SRMS: variants seen among roughly 807,000 people sequenced by gnomAD.
SRMS encodes the protein tyrosine-protein kinase Srms.
Under a neutral mutation model 43.5 loss-of-function variants are expected in SRMS, and 42 were observed. The ratio of observed to expected loss-of-function variants is 0.97; its 90% CI spans 0.75 to 1.25. The LOEUF (loss-of-function observed/expected upper bound fraction) is 1.25, where lower values mean the gene tolerates loss of function less well. SRMS is among the 50% of genes most tolerant of loss of function. SRMS has a pLI of 0.00. For synonymous variants in SRMS, 316 were observed against 308.2 expected, an observed-to-expected ratio of 1.03 and a Z score of -0.27; for missense variants, 703 against 681.0, an observed-to-expected ratio of 1.03 and a Z score of -0.36.
chr20:63,542,493 C>T lies in SRMS; in HGVS notation c.734G>A (p.Trp245Ter). Residue 245 changes from tryptophan (W) to a stop codon, truncating the protein, a stop_gained, in exon 4 of 8, where the codon TGG (tryptophan) becomes TAG (stop). Transcript: ENST00000217188. LOFTEE classifies it high-confidence loss of function. Reference protein sequence around the residue: ...KLGEGYFGEVWEGLWLGSLPV... With the variant: ...KLGEGYFGEV ...CAGGGAGCCCAGCCACAGGCCTTCC[C>T]ACACCTCCCCAAAGTAGCCTTCACC... 6.2e-7 allele frequency: 1 copy of T among 1,612,688 alleles called. No individual in the cohort carries two copies. The highest frequency in any genetic ancestry group is 1.7e-4 in the Middle Eastern group (1 of 6,060).
At chr20:63,541,723 T>G in intron 5 of SRMS, 103 bp from the exon 6 acceptor site, 46 of 1,334,786 alleles carry the variant, frequency 3.4e-5, no homozygotes, top group Non-Finnish European at 4.3e-5. Flanking sequence ...TCCTCATCTC[T>G]AAGACGTGGC....
rs574687899 is a variant in SRMS, at chr20:63,540,510, G to A, written c.*308C>T. 6.6e-6 allele frequency among the ~76,000 whole-genome samples: 1 copy of A among 152,226 alleles called. No homozygotes were observed. The highest frequency in any genetic ancestry group is 2.1e-4 in the South Asian group (1 of 4,810). On this transcript the variant is annotated 3_prime_UTR_variant, in exon 8 of 8. Transcript: ENST00000217188. Reference sequence around the variant, plus strand: ...CACTGCACGGGGAACGTCAGCCCCAGCCCTCCGTCTGCACGAGTCACACTG... The same window carrying A: ...CACTGCACGGGGAACGTCAGCCCCAACCCTCCGTCTGCACGAGTCACACTG...
At position 63,539,828 on chromosome 20, in the gene SRMS, C is replaced by G. The variant is rs1464525230; in HGVS notation, c.*990G>C. Among the ~76,000 whole-genome samples, 2 of 152,194 alleles carry G rather than the reference C, an allele frequency of 1.3e-5. No homozygotes were observed. Among genetic ancestry groups the G allele is most frequent in the African/African-American group, 4.8e-5 (2 of 41,450 alleles). On this transcript the variant is annotated 3_prime_UTR_variant, in exon 8 of 8. Coordinates refer to ENST00000217188, the MANE Select transcript of SRMS (RefSeq NM_080823.4). ...CCTGACCCTGCACAGGCAGAAGACT[C>G]CAAATCCCCCACGGCCCACCCTGAG...
In SRMS at chr20:63,540,791, GC is replaced by G. The variant is rs766739099; in HGVS notation, c.*26del. 6.4e-7 allele frequency: 1 copy of G among 1,569,572 alleles called. No homozygotes were observed. Among genetic ancestry groups the G allele is most frequent in the Non-Finnish European group, 8.6e-7 (1 of 1,158,080 alleles). ...GGGAGGAGGGGCTGGCCTGGCTGGA[GC>G]CCAGAGCGTTGGGTCACGTGAGGAC... On this transcript the variant is annotated 3_prime_UTR_variant, in exon 8 of 8. Coordinates refer to ENST00000217188, the MANE Select transcript of SRMS (RefSeq NM_080823.4).
chr20:63,543,912 T>A (rs187660127), intron 2 of SRMS, among the ~76,000 whole-genome samples: 87 of 152,266 alleles, frequency 5.7e-4, no homozygotes, highest in African/African-American at 2.0e-3. Flanking sequence ...GATGAATGGA[T>A]GAATGAATGA....
chr20:63,546,614 C>A (rs897233904), intron 1 of SRMS, among the ~76,000 whole-genome samples: 6 of 151,200 alleles, frequency 4.0e-5, no homozygotes, highest in Non-Finnish European at 8.8e-5. Flanking sequence ...CTGCCCTCAC[C>A]CAGAGTTCCT....
Position 63,547,545 on chromosome 20 carries a change from G to A in SRMS, c.-82C>T, listed in dbSNP as rs975467751. On this transcript the variant is annotated 5_prime_UTR_variant, in exon 1 of 8. Coordinates refer to ENST00000217188, the MANE Select transcript of SRMS (RefSeq NM_080823.4). ...GGAACTGGCAGGGCCGGTGGGACCCGGTGTCCAGCGCTCCCTGCCCTGGCC... is the reference window on the plus strand; with the variant it reads ...GGAACTGGCAGGGCCGGTGGGACCCAGTGTCCAGCGCTCCCTGCCCTGGCC... 127 of 1,309,840 alleles carry A rather than the reference G, an allele frequency of 9.7e-5. 1 individual carries two copies. The East Asian group carries it at 2.3e-3, about 24-fold the overall frequency. 81.1% of individuals were successfully genotyped at this position (1,309,840 alleles called of 1,614,324 possible).
rs1375875971 is a variant in SRMS, at chr20:63,546,613, C to G, written c.356+495G>C. Among the ~76,000 whole-genome samples the G allele has an allele frequency of 2.0e-5, 3 of 149,136 alleles. No homozygotes were observed. In the East Asian group the frequency reaches 5.8e-4, roughly 29 times the overall value. Reference sequence around the variant, plus strand: ...CCCAGCCCCTGCTCACCTGCCCTCACCCAGAGTTCCTGGAGCATGGGCCCC... The same window carrying G: ...CCCAGCCCCTGCTCACCTGCCCTCAGCCAGAGTTCCTGGAGCATGGGCCCC... On this transcript the variant is annotated intron_variant, in intron 1 of 7. Coordinates refer to ENST00000217188, the MANE Select transcript of SRMS (RefSeq NM_080823.4).
In SRMS at chr20:63,542,144, C is replaced by T. The variant is rs2082707961; in HGVS notation, c.946+19G>A. Reference sequence around the variant, plus strand: ...TCGCAGGCGCGTCAGGGCCACGTGGCAGCAGGGAGGGGACTCACTGCCCAG... The same window carrying T: ...TCGCAGGCGCGTCAGGGCCACGTGGTAGCAGGGAGGGGACTCACTGCCCAG... On this transcript the variant is annotated intron_variant, in intron 5 of 7. Coordinates refer to ENST00000217188, the MANE Select transcript of SRMS (RefSeq NM_080823.4). 6.3e-7 allele frequency: 1 copy of T among 1,596,864 alleles called. No homozygotes were observed. The highest frequency in any genetic ancestry group is 1.1e-5 in the South Asian group (1 of 90,398).
At chr20:63,546,312 T>C (rs1330708806) in intron 1 of SRMS, among the ~76,000 whole-genome samples, 1 of 151,618 alleles carries the variant, frequency 6.6e-6, no homozygotes, top group Non-Finnish European at 1.5e-5. Flanking sequence ...CAGGACGATG[T>C]GTGAGTGCCA....
At position 63,541,177 on chromosome 20, in the gene SRMS, G is replaced by A; in HGVS notation, c.1285+14C>T. 5.8e-6 allele frequency: 9 copies of A among 1,548,834 alleles called. No individual in the cohort carries two copies. Among genetic ancestry groups the A allele is most frequent in the Non-Finnish European group, 7.8e-6 (9 of 1,151,634 alleles). ...CAGAGCCTGCATCCTCCCTCTGGCT[G>A]CCTGGGGACCCACCTTCATAGGGAC... On this transcript the variant is annotated intron_variant, in intron 7 of 7. Coordinates refer to ENST00000217188, the MANE Select transcript of SRMS (RefSeq NM_080823.4).
At position 63,547,251 on chromosome 20, in the gene SRMS, ACT is replaced by A; in HGVS notation, c.211_212del (p.Ser71CysfsTer42). 1 of 1,608,012 alleles carries A rather than the reference ACT, an allele frequency of 6.2e-7. No individual in the cohort carries two copies. Among genetic ancestry groups the A allele is most frequent in the Non-Finnish European group, 8.5e-7 (1 of 1,177,460 alleles). On this transcript the variant is annotated frameshift_variant, in exon 1 of 8. Coordinates refer to ENST00000217188, the MANE Select transcript of SRMS (RefSeq NM_080823.4). LOFTEE classifies it high-confidence loss of function. ...DFTARCGGEL[S>X]VRRGDRLCAL... ...CACAGAGCCTGTCCCCGCGGCGGACACTCAGCTCCCCGCCACACCGCGCCGTG... is the reference window on the plus strand; with the variant it reads ...CACAGAGCCTGTCCCCGCGGCGGACACAGCTCCCCGCCACACCGCGCCGTG...
intron 1 of SRMS, among the ~76,000 whole-genome samples, chr20:63,544,833 G>T (rs893501287): frequency 4.6e-5 from 7 of 152,214 alleles, no homozygotes; most frequent in Non-Finnish European, 1.5e-5. Context: ...AGTGGAGGGG[G>T]CCCATGCAAG....
chr20:63,542,403 CG>C, intron 4 of SRMS, 36 bp downstream of exon 4: 1 of 1,598,404 alleles, frequency 6.3e-7, no homozygotes, highest in East Asian at 2.2e-5. Context: ...ACAGCAGGTG[CG>C]GGGCCCGGCC....
At position 63,543,340 on chromosome 20, in the gene SRMS, G is replaced by A. The variant is rs757756796; in HGVS notation, c.619C>T (p.Pro207Ser). Residue 207 changes from proline to serine, a missense_variant, in exon 3 of 8, where the codon CCC becomes TCC. Pro to Ser is a moderately conservative substitution (Grantham distance 74). Transcript: ENST00000217188. ...YKANWKLIQN[P>S]LLQPCMPQKA... is the part of the protein sequence containing the mutation. Reference sequence around the variant, plus strand: ...TGGGGCATGCAGGGCTGCAGCAGGGGGTTCTGGATCAGCTTCCAGTTGGCC... The same window carrying A: ...TGGGGCATGCAGGGCTGCAGCAGGGAGTTCTGGATCAGCTTCCAGTTGGCC... The A allele has an allele frequency of 6.2e-7, 1 of 1,612,588 alleles. No individual in the cohort carries two copies. Among genetic ancestry groups the A allele is most frequent in the Admixed American group, 1.7e-5 (1 of 60,002 alleles).
intron 1 of SRMS, among the ~76,000 whole-genome samples, chr20:63,545,562 C>T (rs528645971): frequency 9.2e-5 from 14 of 152,288 alleles, no homozygotes; most frequent in African/African-American, 1.9e-4. Flanking sequence ...CTGGGCAAGA[C>T]GGAGGACACA....
intron 7 of SRMS, 63 bp from the exon 8 acceptor site, chr20:63,541,062 C>G: frequency 6.3e-7 from 1 of 1,594,440 alleles, no homozygotes; most frequent in South Asian, 1.1e-5. Flanking sequence ...AGGAGGCCTC[C>G]TGTAGCCCCC....
rs886161487 is a variant in SRMS at position 63,539,023 on chromosome 20, G to A, written c.*1795C>T. Among the ~76,000 whole-genome samples the A allele has an allele frequency of 2.6e-5, 4 of 152,140 alleles. No individual in the cohort carries two copies. Among genetic ancestry groups the A allele is most frequent in the African/African-American group, 9.7e-5 (4 of 41,426 alleles). On this transcript the variant is annotated 3_prime_UTR_variant, in exon 8 of 8. Coordinates refer to ENST00000217188, the MANE Select transcript of SRMS (RefSeq NM_080823.4). ...AGTGGCGGCTGCAGAGAGCACAGAG[G>A]GCGAGGCCTTCTGTGCCAGAGGAGC...
chr20:63,545,069 G>A (rs1362575808), intron 1 of SRMS, among the ~76,000 whole-genome samples: 2 of 152,216 alleles, frequency 1.3e-5, no homozygotes, highest in African/African-American at 4.8e-5. Flanking sequence ...CACGGTGGCA[G>A]GGTGGCAGGG....
Sources: gnomAD v4.1 joint callset for allele counts (sites outside exome capture counted in the v4.1 genomes callset) on GRCh38, gnomAD v4.1.1 for gene constraint, MANE v1.5 for transcripts, NCBI Gene and HGNC (gene_info 2026-07-23, HGNC 2026-07-21) for gene names.